AGBL1: variants seen among roughly 807,000 people sequenced by gnomAD.
AGBL1 encodes AGBL carboxypeptidase 1, also known as cytosolic carboxypeptidase 4.
Under a neutral mutation model 118.9 loss-of-function variants are expected in AGBL1, and 130 were observed. The ratio of observed to expected loss-of-function variants is 1.09; its 90% confidence interval spans 0.95 to 1.26. The LOEUF (loss-of-function observed/expected upper bound fraction) is 1.26, where lower values mean the gene tolerates loss of function less well. Ranked by LOEUF, AGBL1 falls within the 50% of genes most tolerant of loss-of-function variation. AGBL1 has a pLI of 0.00. For missense variants in AGBL1, 1,584 were observed against 1,298.1 expected (o/e 1.22, Z -3.38); for synonymous variants, 555 against 478.9 (o/e 1.16, Z -2.08).
In AGBL1 at chr15:86,447,457, A is replaced by G. The variant is rs2082135620; in HGVS notation, c.2555+49911A>G. Among the ~76,000 whole-genome samples the G allele has an allele frequency of 3.9e-5, 6 of 152,352 alleles. No homozygotes were observed. The South Asian group carries it at 1.2e-3, about 32-fold the overall frequency. On this transcript the variant is annotated intron_variant, in intron 18 of 22. Coordinates refer to ENST00000614907, the MANE Select transcript of AGBL1 (RefSeq NM_001386094.1). The stretch of plus-strand genomic sequence containing the variant: ...AAGCAGAGAGGAGAGATGGAAAGAA[A>G]CTGGATCCTTGATGTATCAATTGAG...
At chr15:86,283,879 G>A (rs567549896) in intron 16 of AGBL1, among the ~76,000 whole-genome samples, 1 of 152,082 alleles carries the variant, frequency 6.6e-6, no homozygotes, top group Non-Finnish European at 1.5e-5. Context: ...AAAGCTTTGA[G>A]GTCAGACAGG....
At chr15:86,155,876 A>G (rs1012406869) in intron 4 of AGBL1, among the ~76,000 whole-genome samples, 3 of 152,152 alleles carry the variant, frequency 2.0e-5, no homozygotes, top group Non-Finnish European at 2.9e-5. Flanking sequence ...ATCACAGTCT[A>G]TGTGGCTTAA....
intron 2 of AGBL1, among the ~76,000 whole-genome samples, chr15:86,142,996 T>A (rs115480446): frequency 2.0e-5 from 3 of 152,222 alleles, no homozygotes; most frequent in Non-Finnish European, 2.9e-5. Flanking sequence ...AAGTCAACTT[T>A]GCCCCGTACA....
intron 19 of AGBL1, among the ~76,000 whole-genome samples, chr15:86,536,374 A>C (rs1021467925): frequency 6.6e-6 from 1 of 152,068 alleles, no homozygotes; most frequent in African/African-American, 2.4e-5. Context: ...GCAGCGGTGC[A>C]ATCTCAGTTC....
At chr15:86,439,570 T>C (rs1362255496) in intron 18 of AGBL1, among the ~76,000 whole-genome samples, 2 of 152,338 alleles carry the variant, frequency 1.3e-5, no homozygotes, top group East Asian at 3.9e-4. Context: ...CATAAATGAA[T>C]AAATACATTT....
Position 86,964,664 on chromosome 15 carries a change from T to A in AGBL1, c.3222-23323T>A, listed in dbSNP as rs554393899. Among the ~76,000 whole-genome samples, 142 of 151,892 alleles carry A rather than the reference T, an allele frequency of 9.3e-4. 1 individual carries two copies. Among genetic ancestry groups the A allele is most frequent in the Admixed American group, 4.4e-3 (67 of 15,216 alleles). On this transcript the variant is annotated intron_variant, in intron 23 of 24. Coordinates refer to the AGBL1 transcript ENST00000441037. ...TTTTTTTTTTTTTAAATACTTTAAG[T>A]TCTGGGATACATGTGCAGAATGTGC...
intron 23 of AGBL1, among the ~76,000 whole-genome samples, chr15:86,985,540 G>A (rs1379990037): frequency 6.6e-6 from 1 of 152,136 alleles, no homozygotes; most frequent in Non-Finnish European, 1.5e-5. Flanking sequence ...AACTTCTTTG[G>A]TGATGTGTCA....
intron 1 of AGBL1, among the ~76,000 whole-genome samples, chr15:86,104,799 G>C (rs1896940198): frequency 6.6e-6 from 1 of 152,194 alleles, no homozygotes. Flanking sequence ...TGTGGGGGTG[G>C]TTGTGGGACC....
intron 21 of AGBL1, among the ~76,000 whole-genome samples, chr15:86,658,204 A>G (rs1289098231): frequency 1.3e-5 from 2 of 152,174 alleles, no homozygotes; most frequent in Non-Finnish European, 2.9e-5. Flanking sequence ...CAGCACTTTC[A>G]AAACTATCAT....
At chr15:86,226,268 C>G (rs1360410024) in intron 6 of AGBL1, among the ~76,000 whole-genome samples, 1 of 152,132 alleles carries the variant, frequency 6.6e-6, no homozygotes, top group Non-Finnish European at 1.5e-5. Context: ...CTCGGTTGCT[C>G]CCAAATGCCT....
intron 13 of AGBL1, among the ~76,000 whole-genome samples, chr15:86,268,458 A>T (rs944731479): frequency 6.6e-6 from 1 of 152,178 alleles, no homozygotes; most frequent in Non-Finnish European, 1.5e-5. Flanking sequence ...TGGAACAGTT[A>T]TCAGATCAGG....
At chr15:86,934,954 A>T (rs1801408325) in intron 23 of AGBL1, 3 of 152,212 alleles carry the variant, frequency 2.0e-5, no homozygotes, top group Admixed American at 2.0e-4. Context: ...ATATCACACC[A>T]AATTTTCCAA....
At chr15:86,568,930 G>A (rs1038453877) in intron 21 of AGBL1, among the ~76,000 whole-genome samples, 6 of 151,914 alleles carry the variant, frequency 3.9e-5, no homozygotes, top group African/African-American at 1.5e-4. Flanking sequence ...TGATAAATAT[G>A]ATTTAAAAGT....
At chr15:86,848,187 T>C (rs1055986676) in intron 22 of AGBL1, among the ~76,000 whole-genome samples, 2 of 152,186 alleles carry the variant, frequency 1.3e-5, no homozygotes, top group African/African-American at 4.8e-5. Context: ...AGACTTCCCA[T>C]TTTCCCACCA....
At chr15:86,712,334 T>C (rs1011663925) in intron 22 of AGBL1, among the ~76,000 whole-genome samples, 2 of 151,818 alleles carry the variant, frequency 1.3e-5, no homozygotes. Context: ...TGCTTGTACT[T>C]AGTAGAAGGG....
intron 16 of AGBL1, among the ~76,000 whole-genome samples, chr15:86,291,918 C>G (rs41525551): frequency 0.21 from 32,541 of 152,080 alleles, 3,973 homozygotes; most frequent in Non-Finnish European, 0.27. Context: ...ATACATGGGC[C>G]TCTGCTGGAT....
intron 5 of AGBL1, among the ~76,000 whole-genome samples, chr15:86,160,762 G>A (rs2077256847): frequency 6.6e-6 from 1 of 152,090 alleles, no homozygotes; most frequent in African/African-American, 2.4e-5. Flanking sequence ...TATTTGCTGG[G>A]CTCATCCACA....
At chr15:86,902,123 T>C (rs894895447) in intron 22 of AGBL1, among the ~76,000 whole-genome samples, 14 of 152,114 alleles carry the variant, frequency 9.2e-5, no homozygotes, top group Non-Finnish European at 1.5e-5. Flanking sequence ...TACCTGGGTG[T>C]AATGTCCAAG....
chr15:86,096,650 T>G (rs1896396552), intron 1 of AGBL1, among the ~76,000 whole-genome samples: 1 of 152,210 alleles, frequency 6.6e-6, no homozygotes, highest in African/African-American at 2.4e-5. Context: ...TTAAGTTTGT[T>G]GGCTGAGGTT....
Sources: gnomAD v4.1 joint callset for allele counts (sites outside exome capture counted in the v4.1 genomes callset) on GRCh38, gnomAD v4.1.1 for gene constraint, MANE v1.5 for transcripts, NCBI Gene and HGNC (gene_info 2026-07-23, HGNC 2026-07-21) for gene names.